The following LDB2 variants were observed in gnomAD, a reference collection of about 807,000 sequenced individuals.
LDB2 encodes the protein LIM domain-binding protein 2.
In LDB2, 12 loss-of-function variants were observed where a neutral mutation model predicts 44.3. The ratio of observed to expected loss-of-function variants is 0.27; its 90% confidence interval spans 0.17 to 0.44. LDB2 has a LOEUF of 0.44. Ranked by LOEUF, LDB2 falls within the 20% of genes least tolerant of loss-of-function variation. LDB2 has a pLI of 1.00. For missense variants in LDB2, 344 were observed against 473.5 expected (o/e 0.73, Z 2.54); for synonymous variants, 164 against 174.8 (o/e 0.94, Z 0.49).
intron 2 of LDB2, among the ~76,000 whole-genome samples, chr4:16,601,855 G>A (rs1377357895): frequency 6.6e-6 from 1 of 152,082 alleles, no homozygotes; most frequent in African/African-American, 2.4e-5. Context: ...TCCTAGGAGT[G>A]AGATAAACAA....
intron 5 of LDB2, among the ~76,000 whole-genome samples, chr4:16,545,394 C>A (rs1735406671): frequency 6.6e-6 from 1 of 152,162 alleles, no homozygotes; most frequent in African/African-American, 2.4e-5. Context: ...CAAAATGCAT[C>A]CCTTGCACTC....
At chr4:16,652,624 T>G (rs1339755764) in intron 2 of LDB2, among the ~76,000 whole-genome samples, 1 of 152,132 alleles carries the variant, frequency 6.6e-6, no homozygotes, top group African/African-American at 2.4e-5. Flanking sequence ...CAGCTAGACA[T>G]CGGGTACCAC....
At chr4:16,769,120 A>G (rs763808750) in intron 1 of LDB2, among the ~76,000 whole-genome samples, 4 of 152,160 alleles carry the variant, frequency 2.6e-5, no homozygotes, top group Non-Finnish European at 5.9e-5. Flanking sequence ...CAGGCAGCCC[A>G]AAGCAAGGAT....
chr4:16,647,326 G>T (rs1038583641), intron 2 of LDB2, among the ~76,000 whole-genome samples: 1 of 152,176 alleles, frequency 6.6e-6, no homozygotes, highest in Non-Finnish European at 1.5e-5. Flanking sequence ...TTCTTAGAGT[G>T]ATGAAAATGT....
Position 16,544,297 on chromosome 4 carries a change from C to T in LDB2, c.616-32193G>A, listed in dbSNP as rs74522289. Among the ~76,000 whole-genome samples the T allele has an allele frequency of 0.01, 1,532 of 152,200 alleles. 141 individuals carry two copies. In the East Asian group the frequency reaches 0.22, roughly 22 times the overall value. ...GTGGGGACTGCAAGTCCGAAGCCAGCGGCAGGGAGCATGCTTGGTGTGTCT... is the reference window on the plus strand; with the variant it reads ...GTGGGGACTGCAAGTCCGAAGCCAGTGGCAGGGAGCATGCTTGGTGTGTCT... On this transcript the variant is annotated intron_variant, in intron 5 of 7. Coordinates refer to ENST00000304523, the MANE Select transcript of LDB2 (RefSeq NM_001290.5).
At chr4:16,799,862 C>T (rs1179775082) in intron 1 of LDB2, among the ~76,000 whole-genome samples, 3 of 152,124 alleles carry the variant, frequency 2.0e-5, no homozygotes, top group Non-Finnish European at 4.4e-5. Flanking sequence ...TTTTGACATA[C>T]TTATACTAAA....
intron 5 of LDB2, among the ~76,000 whole-genome samples, chr4:16,563,292 A>G (rs1261329481): frequency 6.6e-6 from 1 of 151,764 alleles, no homozygotes; most frequent in African/African-American, 2.4e-5. Flanking sequence ...TCTCGTTTCT[A>G]TCTGTGATTT....
At chr4:16,848,757 C>T (rs1787593464) in intron 1 of LDB2, among the ~76,000 whole-genome samples, 1 of 152,152 alleles carries the variant, frequency 6.6e-6, no homozygotes. Context: ...TTTCCTTTGT[C>T]AGCCATATCT....
intron 2 of LDB2, among the ~76,000 whole-genome samples, chr4:16,728,943 C>A (rs1760128438): frequency 6.6e-6 from 1 of 152,196 alleles, no homozygotes; most frequent in South Asian, 2.1e-4. Context: ...GTGCTAAACC[C>A]TGTCAAGAAA....
At chr4:16,642,048 T>A (rs368265084) in intron 2 of LDB2, among the ~76,000 whole-genome samples, 20 of 152,150 alleles carry the variant, frequency 1.3e-4, no homozygotes, top group African/African-American at 4.3e-4. Flanking sequence ...AGAAAAAAAT[T>A]AAGAACTGGT....
chr4:16,677,411 T>C (rs898422778), intron 2 of LDB2, among the ~76,000 whole-genome samples: 3 of 152,190 alleles, frequency 2.0e-5, no homozygotes, highest in Non-Finnish European at 4.4e-5. Context: ...TGGTTAAGAA[T>C]TGCAAAGGAT....
chr4:16,561,704 A>T (rs574759656), intron 5 of LDB2, among the ~76,000 whole-genome samples: 90 of 152,298 alleles, frequency 5.9e-4, no homozygotes, highest in Middle Eastern at 6.8e-3. Flanking sequence ...TCTTCACAGA[A>T]TTGGAAAAAA....
chr4:16,755,540 AG>A (rs1766435678), intron 2 of LDB2, among the ~76,000 whole-genome samples: 1 of 31,388 alleles, frequency 3.2e-5, no homozygotes, highest in African/African-American at 6.8e-5. Context: ...AGAGAGAGAG[AG>A]ACAGACAGAC....
intron 5 of LDB2, among the ~76,000 whole-genome samples, chr4:16,522,170 T>C (rs1479256750): frequency 6.6e-6 from 1 of 152,148 alleles, no homozygotes; most frequent in Non-Finnish European, 1.5e-5. Flanking sequence ...TTAATATGAT[T>C]GGACTATTAC....
intron 1 of LDB2, among the ~76,000 whole-genome samples, chr4:16,767,376 G>A (rs371283069): frequency 4.9e-4 from 74 of 152,300 alleles, no homozygotes; most frequent in African/African-American, 1.8e-3. Context: ...CACAAGCATA[G>A]GAAAGAAAGC....
At chr4:16,553,925 C>G (rs932743715) in intron 5 of LDB2, among the ~76,000 whole-genome samples, 2 of 152,136 alleles carry the variant, frequency 1.3e-5, no homozygotes, top group Admixed American at 6.5e-5. Flanking sequence ...CATGCCCACA[C>G]CCTCAAACTC....
chr4:16,557,433 A>C (rs1296998587), intron 5 of LDB2, among the ~76,000 whole-genome samples: 2 of 152,186 alleles, frequency 1.3e-5, no homozygotes, highest in East Asian at 3.9e-4. Context: ...GGAGGGTCCT[A>C]CGCCCACGGA....
chr4:16,629,822 G>A (rs28804100), intron 2 of LDB2, among the ~76,000 whole-genome samples: 55,883 of 151,332 alleles, frequency 0.37, 10,498 homozygotes, highest in East Asian at 0.56. Context: ...TCAATCAAGC[G>A]GAAGAAAGGA....
At position 16,664,789 on chromosome 4, in the gene LDB2, C is replaced by T. The variant is rs1183926535; in HGVS notation, c.236-68914G>A. On this transcript the variant is annotated intron_variant, in intron 2 of 7. Coordinates refer to ENST00000304523, the MANE Select transcript of LDB2 (RefSeq NM_001290.5). ...TTGTAATGAATGTGGAATAGGTGCACATTTGTACTCTCTGCATGTTTCGGG... is the reference window on the plus strand; with the variant it reads ...TTGTAATGAATGTGGAATAGGTGCATATTTGTACTCTCTGCATGTTTCGGG... 2.0e-5 allele frequency among the ~76,000 whole-genome samples: 3 copies of T among 152,292 alleles called. No individual in the cohort carries two copies. The East Asian group carries it at 5.8e-4, about 29-fold the overall frequency.
Sources: allele counts gnomAD v4.1 joint callset (sites outside exome capture counted in the v4.1 genomes callset), GRCh38; gene constraint gnomAD v4.1.1; transcripts MANE v1.5; gene names NCBI Gene and HGNC (gene_info 2026-07-23, HGNC 2026-07-21).